GSE1: variants seen among roughly 807,000 people sequenced by gnomAD.
GSE1 encodes the protein Gse1 coiled-coil protein.
Under a neutral mutation model 112.6 loss-of-function variants are expected in GSE1, and 32 were observed. The ratio of observed to expected loss-of-function variants is 0.28; its 90% CI spans 0.21 to 0.38. GSE1 has a LOEUF of 0.38. Ranked by LOEUF, GSE1 falls within the 10% of genes least tolerant of loss-of-function variation. GSE1 has a pLI of 1.00. For synonymous variants in GSE1, 1,115 were observed against 735.6 expected (o/e 1.52, Z -8.35); for missense variants, 2,348 against 1,699.2 (o/e 1.38, Z -6.71).
At chr16:85,664,137 T>G (rs2052647812) in intron 11 of GSE1, among the ~76,000 whole-genome samples, 2 of 152,242 alleles carry the variant, frequency 1.3e-5, no homozygotes, top group African/African-American at 4.8e-5. Flanking sequence ...CCCTCTGGGC[T>G]CGAATCCATA....
chr16:85,418,577 C>A (rs2048756129), intron 2 of GSE1, among the ~76,000 whole-genome samples: 1 of 152,242 alleles, frequency 6.6e-6, no homozygotes, highest in Non-Finnish European at 1.5e-5. Context: ...CTCCCAGGAG[C>A]CAGACCCAGC....
chr16:85,214,022 C>T (rs1204509715), intron 1 of GSE1, among the ~76,000 whole-genome samples: 3 of 152,238 alleles, frequency 2.0e-5, no homozygotes, highest in African/African-American at 7.2e-5. Flanking sequence ...GCATCTCTTG[C>T]CAGGCTGGCA....
chr16:85,516,235 G>A (rs1483890452), intron 2 of GSE1, among the ~76,000 whole-genome samples: 1 of 152,108 alleles, frequency 6.6e-6, no homozygotes, highest in Non-Finnish European at 1.5e-5. Flanking sequence ...CTGTGATCTG[G>A]TGCCAGCACC....
Position 85,409,235 on chromosome 16 carries a change from T to A in GSE1, c.2464+51592T>A, listed in dbSNP as rs76234033. Among the ~76,000 whole-genome samples the A allele has an allele frequency of 1.7e-3, 44 of 26,118 alleles. 1 individual carries two copies. The highest frequency in any genetic ancestry group is 5.9e-3 in the African/African-American group (23 of 3,930). 17.1% of individuals were successfully genotyped at this position (26,118 alleles called of 152,430 possible). On this transcript the variant is annotated intron_variant, in intron 2 of 2. Coordinates refer to the GSE1 transcript ENST00000637419. Reference sequence around the variant, plus strand: ...CCCCCCGGATAATCCTCACTGTTACTCTCAGGCCCCCCGGATAATCCTCAC... The same window carrying A: ...CCCCCCGGATAATCCTCACTGTTACACTCAGGCCCCCCGGATAATCCTCAC...
At chr16:85,630,035 C>T (rs1021768484) in intron 1 of GSE1, among the ~76,000 whole-genome samples, 9 of 152,214 alleles carry the variant, frequency 5.9e-5, no homozygotes, top group African/African-American at 2.2e-4. Context: ...GCGGTCTCAT[C>T]AGAAGGCCAG....
chr16:85,496,896 C>T (rs1457568590), intron 2 of GSE1, among the ~76,000 whole-genome samples: 3 of 105,994 alleles, frequency 2.8e-5, no homozygotes, highest in Non-Finnish European at 6.0e-5. Flanking sequence ...TGGTCTGGGT[C>T]TTTGTTGTTT....
intron 1 of GSE1, among the ~76,000 whole-genome samples, chr16:85,224,238 C>T (rs1438795261): frequency 2.5e-5 from 3 of 119,762 alleles, no homozygotes; most frequent in Non-Finnish European, 4.9e-5. Context: ...GCATGAAAAG[C>T]GAGAAGGCGA....
At chr16:85,390,314 T>C (rs2047808592) in intron 2 of GSE1, among the ~76,000 whole-genome samples, 1 of 151,252 alleles carries the variant, frequency 6.6e-6, no homozygotes, top group Non-Finnish European at 1.5e-5. Context: ...CAAGGGGAGG[T>C]GTCCAGCAAC....
At chr16:85,561,783 C>T (rs1038858593) in intron 1 of GSE1, among the ~76,000 whole-genome samples, 1 of 152,188 alleles carries the variant, frequency 6.6e-6, no homozygotes, top group Non-Finnish European at 1.5e-5. Flanking sequence ...CTGAGGCTTC[C>T]CCTGCTGAGA....
chr16:85,535,330 C>T (rs1398849084), intron 2 of GSE1, among the ~76,000 whole-genome samples: 1 of 152,258 alleles, frequency 6.6e-6, no homozygotes, highest in Non-Finnish European at 1.5e-5. Context: ...TTTGCCTCCC[C>T]TTGTCTGCGG....
At chr16:85,606,520 T>C (rs2047710014), upstream of GSE1, among the ~76,000 whole-genome samples, 1 of 152,132 alleles carries the variant, frequency 6.6e-6, no homozygotes, top group South Asian at 2.1e-4. Flanking sequence ...TGGCAGAACG[T>C]CTCCTTGCCA....
chr16:85,423,778 C>G lies in GSE1; in HGVS notation c.2464+66135C>G, dbSNP rs943484923. Among the ~76,000 whole-genome samples, 4 of 152,244 alleles carry G rather than the reference C, an allele frequency of 2.6e-5. No homozygotes were observed. In the South Asian group the frequency reaches 8.3e-4, roughly 32 times the overall value. ...TCCATCCATCCACTCTCCCACCCAC[C>G]GCTGCACTTGCTCTCCCTTCTCCTG... On this transcript the variant is annotated intron_variant, in intron 2 of 2. Coordinates refer to the GSE1 transcript ENST00000637419.
At chr16:85,525,864 T>C (rs1369312601) in intron 2 of GSE1, among the ~76,000 whole-genome samples, 1 of 152,206 alleles carries the variant, frequency 6.6e-6, no homozygotes, top group Non-Finnish European at 1.5e-5. Context: ...GAGGGAGCAC[T>C]GGCTGCCTTG....
At chr16:85,477,592 G>T (rs1317675713) in intron 2 of GSE1, among the ~76,000 whole-genome samples, 2 of 140,200 alleles carry the variant, frequency 1.4e-5, no homozygotes, top group Non-Finnish European at 3.0e-5. Flanking sequence ...ATGGAGTCTC[G>T]CTCTGTCGCC....
intron 2 of GSE1, among the ~76,000 whole-genome samples, chr16:85,638,311 A>G (rs2050168484): frequency 1.3e-5 from 2 of 152,248 alleles, no homozygotes; most frequent in South Asian, 4.1e-4. Context: ...AGGCGCTGAG[A>G]CGTCTTCTCT....
chr16:85,644,790 C>T (rs901510233), intron 2 of GSE1, among the ~76,000 whole-genome samples: 4 of 151,772 alleles, frequency 2.6e-5, no homozygotes, highest in African/African-American at 7.3e-5. Context: ...GTGAATTACG[C>T]GGGATGGAAT....
intron 2 of GSE1, among the ~76,000 whole-genome samples, chr16:85,456,961 C>A (rs1023842075): frequency 6.6e-6 from 1 of 152,174 alleles, no homozygotes; most frequent in Non-Finnish European, 1.5e-5. Flanking sequence ...TCACAAGAGA[C>A]CAACTCCCGA....
chr16:85,461,913 T>C (rs1268662659), intron 2 of GSE1, among the ~76,000 whole-genome samples: 1 of 151,460 alleles, frequency 6.6e-6, no homozygotes, highest in Admixed American at 6.6e-5. Flanking sequence ...TCCTTCCTGC[T>C]CTCCTCCCAG....
intron 1 of GSE1, among the ~76,000 whole-genome samples, chr16:85,592,053 G>T (rs1292518590): frequency 6.6e-6 from 1 of 151,408 alleles, no homozygotes; most frequent in Admixed American, 6.6e-5. Context: ...GGCACCCCCC[G>T]CCCCCCGCTC....
Sources: allele counts gnomAD v4.1 joint callset (sites outside exome capture counted in the v4.1 genomes callset), GRCh38; gene constraint gnomAD v4.1.1; transcripts MANE v1.5; gene names NCBI Gene and HGNC (gene_info 2026-07-23, HGNC 2026-07-21).